Variants in NOVA1 observed in about 807,000 individuals in gnomAD.
The protein encoded by NOVA1 is RNA-binding protein Nova-1.
NOVA1 carries 7 observed loss-of-function variants against 38.0 expected under a neutral mutation model. The observed-to-expected ratio is 0.18, with a 90% CI of 0.10 to 0.35. NOVA1 has a LOEUF of 0.35. NOVA1 is among the 10% of genes least tolerant of loss of function. The probability of loss-of-function intolerance (pLI) is 1.00; values close to 1 mark genes in which losing one functional copy is unlikely to be tolerated. For missense variants in NOVA1, 460 were observed against 616.0 expected, an observed-to-expected ratio of 0.75 and a Z score of 2.68; for synonymous variants, 270 against 232.5, an observed-to-expected ratio of 1.16 and a Z score of -1.47.
intron 1 of NOVA1, 41 bp downstream of exon 1, chr14:26,597,260 G>A: frequency 2.4e-6 from 3 of 1,226,602 alleles, no homozygotes; most frequent in Non-Finnish European, 3.1e-6. Flanking sequence ...GGGGCGGGCG[G>A]CGGGGGATGG....
intron 2 of NOVA1, among the ~76,000 whole-genome samples, chr14:26,579,353 C>T (rs1480623131): frequency 1.3e-5 from 2 of 152,180 alleles, no homozygotes; most frequent in East Asian, 1.9e-4. Context: ...TGGTGCCCAG[C>T]CATCGTATTC....
chr14:26,516,593 G>T (rs1888479866), intron 2 of NOVA1, among the ~76,000 whole-genome samples: 2 of 152,038 alleles, frequency 1.3e-5, no homozygotes, highest in African/African-American at 4.8e-5. Context: ...TTCCTATTTG[G>T]CTACTCAATT....
At position 26,563,346 on chromosome 14, in the gene NOVA1, T is replaced by A. The variant is rs542885253; in HGVS notation, c.280+32064A>T. On this transcript the variant is annotated intron_variant, in intron 2 of 4. Coordinates refer to ENST00000539517, the MANE Select transcript of NOVA1 (RefSeq NM_002515.3). ...TCACATTAAAAAAAAAAAACAGTAATAATGGGGGCAGGGGAAGTAAAAAAT... is the reference window on the plus strand; with the variant it reads ...TCACATTAAAAAAAAAAAACAGTAAAAATGGGGGCAGGGGAAGTAAAAAAT... Among the ~76,000 whole-genome samples the A allele has an allele frequency of 2.3e-4, 32 of 140,194 alleles. No individual in the cohort carries two copies. In the South Asian group the frequency reaches 6.8e-3, roughly 30 times the overall value. 92.0% of individuals were successfully genotyped at this position (140,194 alleles called of 152,430 possible).
At chr14:26,509,384 G>A (rs1033985590) in intron 2 of NOVA1, among the ~76,000 whole-genome samples, 1 of 151,986 alleles carries the variant, frequency 6.6e-6, no homozygotes, top group African/African-American at 2.4e-5. Context: ...AGTGGTAGTG[G>A]GAGTGAAAAG....
At chr14:26,596,889 A>T (rs1034567807) in intron 1 of NOVA1, 1 of 1,165,830 alleles carries the variant, frequency 8.6e-7, no homozygotes, top group Admixed American at 3.9e-5. Flanking sequence ...AGTGCCATTT[A>T]TTTATTTATT....
chr14:26,466,848 T>C (rs984778784), intron 4 of NOVA1, among the ~76,000 whole-genome samples: 3 of 152,306 alleles, frequency 2.0e-5, no homozygotes, highest in South Asian at 4.1e-4. Flanking sequence ...TTTGTACTTC[T>C]GTCTTCTGCG....
At chr14:26,480,523 A>G (rs1885373705) in intron 2 of NOVA1, among the ~76,000 whole-genome samples, 1 of 152,194 alleles carries the variant, frequency 6.6e-6, no homozygotes, top group Non-Finnish European at 1.5e-5. Flanking sequence ...TCAGGGGGAA[A>G]AAAACCGACA....
intron 2 of NOVA1, among the ~76,000 whole-genome samples, chr14:26,519,013 T>C (rs553826728): frequency 3.3e-5 from 5 of 152,238 alleles, no homozygotes; most frequent in African/African-American, 1.2e-4. Flanking sequence ...AAAACTGAAA[T>C]AATCTTTATC....
intron 4 of NOVA1, among the ~76,000 whole-genome samples, chr14:26,457,103 T>C (rs1423665009): frequency 6.6e-6 from 1 of 152,048 alleles, no homozygotes; most frequent in Non-Finnish European, 1.5e-5. Context: ...ATACACTTTG[T>C]CTTATTTTTT....
intron 2 of NOVA1, among the ~76,000 whole-genome samples, chr14:26,571,987 G>T (rs1892509855): frequency 6.6e-6 from 1 of 152,132 alleles, no homozygotes; most frequent in African/African-American, 2.4e-5. Context: ...CAAGTTCTTA[G>T]GCCCCAAAGC....
chr14:26,579,147 TC>T (rs1244320454), intron 2 of NOVA1, among the ~76,000 whole-genome samples: 2 of 132,200 alleles, frequency 1.5e-5, no homozygotes, highest in Admixed American at 1.8e-4. Flanking sequence ...AACCTCCGCC[TC>T]CCAGGTTCAA....
At chr14:26,475,431 G>C (rs1206909362) in intron 3 of NOVA1, among the ~76,000 whole-genome samples, 1 of 152,094 alleles carries the variant, frequency 6.6e-6, no homozygotes. Flanking sequence ...TAAAATTTCT[G>C]ATATACATCA....
chr14:26,552,584 A>T (rs1891228085), intron 2 of NOVA1, among the ~76,000 whole-genome samples: 1 of 152,286 alleles, frequency 6.6e-6, no homozygotes, highest in East Asian at 1.9e-4. Flanking sequence ...TATTCACTCA[A>T]CAACAAAAAA....
rs758579098 is a variant in NOVA1 at position 26,448,980 on chromosome 14, T to A, written c.520-17A>T. 8 of 1,577,330 alleles carry A rather than the reference T, an allele frequency of 5.1e-6. No individual in the cohort carries two copies. In the African/African-American group the frequency reaches 5.5e-5, roughly 11 times the overall value. On this transcript the variant is annotated splice_polypyrimidine_tract_variant and intron_variant, in intron 4 of 4. Coordinates refer to ENST00000539517, the MANE Select transcript of NOVA1 (RefSeq NM_002515.3). The surrounding 1 kb of genome is among the most constrained non-coding windows in gnomAD (Gnocchi z 5.3). ...AATCTTTACCTGTAATTAAAAAAAA[T>A]ACGTATAAATAATACTTCTGTTTTG...
intron 2 of NOVA1, among the ~76,000 whole-genome samples, chr14:26,569,133 G>GC (rs1892315430): frequency 6.6e-6 from 1 of 152,054 alleles, no homozygotes; most frequent in Admixed American, 6.6e-5. Flanking sequence ...AAGCATGGTG[G>GC]CAAGAGTGAG....
At position 26,448,955 on chromosome 14, in the gene NOVA1, A is replaced by C; in HGVS notation, c.528T>G (p.Ile176Met). 1.2e-6 allele frequency: 2 copies of C among 1,601,170 alleles called. No homozygotes were observed. The highest frequency in any genetic ancestry group is 1.7e-6 in the Non-Finnish European group (2 of 1,173,620). The stretch of plus-strand genomic sequence containing the variant: ...GACCTGCTGTGCTGTTGGGAACTAT[A>C]ATCTTTACCTGTAATTAAAAAAAAT... ...MTTSRANQVKIIVPNSTAGLI... is the reference protein window; with the variant it reads ...MTTSRANQVKMIVPNSTAGLI... Residue 176 changes from isoleucine to methionine, a missense_variant, in exon 5 of 5, where the codon ATT (isoleucine) becomes ATG (methionine). Physicochemically the swap from Ile to Met is conservative, Grantham distance 10. Transcript: ENST00000539517. The surrounding 1 kb of genome is among the most constrained non-coding windows in gnomAD (Gnocchi z 5.3).
chr14:26,460,632 C>T (rs937940479), intron 4 of NOVA1, among the ~76,000 whole-genome samples: 2 of 151,638 alleles, frequency 1.3e-5, no homozygotes, highest in Non-Finnish European at 2.9e-5. Flanking sequence ...TTATTGTCTC[C>T]GGAAAAATTC....
chr14:26,519,723 T>C (rs186474048), intron 2 of NOVA1, among the ~76,000 whole-genome samples: 1 of 152,310 alleles, frequency 6.6e-6, no homozygotes, highest in East Asian at 1.9e-4. Flanking sequence ...TCTTCCTGTG[T>C]ATTCTTTATA....
intron 2 of NOVA1, among the ~76,000 whole-genome samples, chr14:26,552,485 T>C (rs952386732): frequency 7.2e-5 from 11 of 152,162 alleles, no homozygotes; most frequent in African/African-American, 2.7e-4. Context: ...AATTATACTA[T>C]GTAGAACACT....
Sources: allele counts gnomAD v4.1 joint callset (sites outside exome capture counted in the v4.1 genomes callset), GRCh38; gene constraint gnomAD v4.1.1; non-coding constraint Gnocchi (gnomAD v3.1); transcripts MANE v1.5; gene names NCBI Gene and HGNC (gene_info 2026-07-23, HGNC 2026-07-21).